Variants in GPHN observed in about 807,000 individuals in gnomAD.
The protein encoded by GPHN is gephyrin.
In GPHN, 17 loss-of-function variants were observed where a neutral mutation model predicts 95.5. The observed-to-expected ratio is 0.18, with a 90% confidence interval of 0.12 to 0.27. GPHN has a LOEUF of 0.27. GPHN is among the 10% of genes least tolerant of loss of function. The probability of loss-of-function intolerance (pLI) is 1.00; values close to 1 mark genes in which losing one functional copy is unlikely to be tolerated. For synonymous variants in GPHN, 320 were observed against 322.5 expected, an observed-to-expected ratio of 0.99 and a Z score of 0.08; for missense variants, 660 against 978.1, an observed-to-expected ratio of 0.67 and a Z score of 4.34.
the GPHN span, chr14:67,336,441 G>A: frequency 1.2e-3 from 235 of 203,194 alleles, 1 homozygote; most frequent in African/African-American, 5.4e-3. Flanking sequence ...CTGCACTTTT[G>A]TAAGTATTTT....
chr14:66,897,571 T>G (rs2153545011), intron 5 of GPHN, among the ~76,000 whole-genome samples: 2 of 152,276 alleles, frequency 1.3e-5, no homozygotes, highest in Middle Eastern at 3.4e-3. Flanking sequence ...ATGAATATAA[T>G]TAGAACCATA....
chr14:67,397,906 C>T, the GPHN span: 5 of 1,152,502 alleles, frequency 4.3e-6, no homozygotes, highest in South Asian at 4.8e-5. Flanking sequence ...TCTGGTGGCA[C>T]AAGTAACCAG....
the GPHN span, among the ~76,000 whole-genome samples, chr14:67,260,343 CCTCT>C: frequency 6.6e-6 from 1 of 152,178 alleles, no homozygotes; most frequent in Non-Finnish European, 1.5e-5. Flanking sequence ...GCACAACCCT[CCTCT>C]CTCTCATTAA....
At chr14:66,808,527 G>A (rs185800308) in intron 3 of GPHN, among the ~76,000 whole-genome samples, 136 of 152,272 alleles carry the variant, frequency 8.9e-4, no homozygotes, top group Non-Finnish European at 1.7e-3. Context: ...TAGACCAGGC[G>A]CGGTGGCTCA....
the GPHN span, chr14:67,562,870 C>T: frequency 1.2e-6 from 2 of 1,612,786 alleles, no homozygotes; most frequent in South Asian, 1.1e-5. Context: ...CACCTACACC[C>T]CCGCTGCACC....
At chr14:67,358,893 G>A in the GPHN span, among the ~76,000 whole-genome samples, 1 of 152,302 alleles carries the variant, frequency 6.6e-6, no homozygotes, top group Non-Finnish European at 1.5e-5. Context: ...TCCCAAGCAT[G>A]AGTTCTTTCA....
the GPHN span, among the ~76,000 whole-genome samples, chr14:67,611,487 G>T: frequency 6.6e-6 from 1 of 151,804 alleles, no homozygotes; most frequent in South Asian, 2.1e-4. Context: ...GGCTGGTCTC[G>T]AACTCCTGAC....
the GPHN span, chr14:67,581,918 A>G: frequency 1.9e-5 from 13 of 701,742 alleles, no homozygotes; most frequent in South Asian, 2.1e-4. Context: ...ATACTCGGTT[A>G]TATGTTTCTG....
chr14:66,749,533 A>G (rs1421132097), intron 2 of GPHN, among the ~76,000 whole-genome samples: 1 of 151,948 alleles, frequency 6.6e-6, no homozygotes, highest in Non-Finnish European at 1.5e-5. Flanking sequence ...AATATTGAAC[A>G]TTCTAATAGG....
chr14:67,198,266 A>T, the GPHN span: 1 of 1,613,922 alleles, frequency 6.2e-7, no homozygotes, highest in Non-Finnish European at 8.5e-7. Flanking sequence ...TGTTGGATGG[A>T]GGAGAGTATG....
chr14:67,568,097 T>A, the GPHN span, among the ~76,000 whole-genome samples: 1 of 152,172 alleles, frequency 6.6e-6, no homozygotes, highest in Non-Finnish European at 1.5e-5. Context: ...AGCCTAGCCA[T>A]GATATGACAT....
At chr14:67,281,645 T>G in the GPHN span, among the ~76,000 whole-genome samples, 1 of 152,200 alleles carries the variant, frequency 6.6e-6, no homozygotes, top group Non-Finnish European at 1.5e-5. Context: ...CCATTTGGTT[T>G]ACTTAGAATC....
At chr14:67,690,258 C>T in the GPHN span, 95 of 1,613,942 alleles carry the variant, frequency 5.9e-5, no homozygotes, top group Non-Finnish European at 7.5e-5. Flanking sequence ...TGTTGGCTAG[C>T]TTGCTGTGAC....
chr14:66,616,146 C>G (rs191327553), intron 1 of GPHN, among the ~76,000 whole-genome samples: 15 of 151,292 alleles, frequency 9.9e-5, no homozygotes, highest in Admixed American at 7.9e-4. Context: ...TATGATGCCT[C>G]CAGCTTTGTT....
chr14:67,048,848 AT>A (rs1355222030), intron 10 of GPHN, among the ~76,000 whole-genome samples: 1 of 152,240 alleles, frequency 6.6e-6, no homozygotes, highest in African/African-American at 2.4e-5. Flanking sequence ...AATAAAGCTA[AT>A]GCCCTCGCAG....
chr14:67,651,094 T>C, the GPHN span: 2 of 925,156 alleles, frequency 2.2e-6, no homozygotes, highest in Non-Finnish European at 3.2e-6. Context: ...CTACTGTAAA[T>C]GTATTTGGTT....
the GPHN span, among the ~76,000 whole-genome samples, chr14:67,547,141 T>G: frequency 1.3e-5 from 2 of 151,892 alleles, no homozygotes; most frequent in African/African-American, 4.8e-5. Flanking sequence ...GGGTGCATAG[T>G]GTGATGAGTC....
the GPHN span, among the ~76,000 whole-genome samples, chr14:67,612,178 G>C: frequency 6.6e-6 from 1 of 152,174 alleles, no homozygotes; most frequent in Non-Finnish European, 1.5e-5. Flanking sequence ...ACCTCCTGCT[G>C]TGCAACTTGG....
At chr14:66,631,540 C>G (rs562897002) in intron 1 of GPHN, among the ~76,000 whole-genome samples, 181 of 152,196 alleles carry the variant, frequency 1.2e-3, no homozygotes, top group East Asian at 3.5e-3. Flanking sequence ...ATAATTAAAA[C>G]AAGATAGCAC....
Sources: gnomAD v4.1 joint callset for allele counts (sites outside exome capture counted in the v4.1 genomes callset) on GRCh38, gnomAD v4.1.1 for gene constraint, MANE v1.5 for transcripts, NCBI Gene and HGNC (gene_info 2026-07-23, HGNC 2026-07-21) for gene names.